Variants in GPC6 observed in about 807,000 individuals in gnomAD.
GPC6 encodes the protein glypican 6.
A neutral mutation model predicts 55.2 loss-of-function variants in GPC6; 14 were observed. The ratio of observed to expected loss-of-function variants is 0.25; its 90% CI spans 0.17 to 0.40. GPC6 has a LOEUF of 0.40. GPC6 is among the 10% of genes least tolerant of loss of function. GPC6 has a pLI of 1.00. For synonymous variants in GPC6, 278 were observed against 259.6 expected, an observed-to-expected ratio of 1.07 and a Z score of -0.68; for missense variants, 641 against 708.5, an observed-to-expected ratio of 0.90 and a Z score of 1.08.
chr13:93,615,222 C>G (rs900921272), intron 2 of GPC6, among the ~76,000 whole-genome samples: 7 of 152,174 alleles, frequency 4.6e-5, no homozygotes, highest in African/African-American at 1.7e-4. Context: ...TCTTTCAAAA[C>G]TACTGAGAAT....
At chr13:93,631,612 G>T (rs1264700530) in intron 2 of GPC6, among the ~76,000 whole-genome samples, 1 of 152,176 alleles carries the variant, frequency 6.6e-6, no homozygotes, top group Non-Finnish European at 1.5e-5. Flanking sequence ...TGGTCTGTCA[G>T]GTCCCTACAG....
At chr13:93,771,574 G>C (rs1351773262) in intron 2 of GPC6, among the ~76,000 whole-genome samples, 1 of 152,070 alleles carries the variant, frequency 6.6e-6, no homozygotes, top group Non-Finnish European at 1.5e-5. Flanking sequence ...GTCCCCTTTT[G>C]TTTGTTTCCT....
chr13:93,432,277 A>C (rs1372140801), intron 1 of GPC6, among the ~76,000 whole-genome samples: 3 of 152,160 alleles, frequency 2.0e-5, no homozygotes, highest in African/African-American at 7.2e-5. Context: ...AACAGTGATG[A>C]ACAGATCCAT....
At chr13:94,155,827 A>G (rs1306599484) in intron 4 of GPC6, among the ~76,000 whole-genome samples, 1 of 151,952 alleles carries the variant, frequency 6.6e-6, no homozygotes, top group Admixed American at 6.6e-5. Context: ...CTTCTGCCAC[A>G]CCCCCACCCA....
intron 3 of GPC6, among the ~76,000 whole-genome samples, chr13:93,965,174 G>A (rs7981636): frequency 1.4e-5 from 2 of 146,416 alleles, no homozygotes; most frequent in East Asian, 2.0e-4. Flanking sequence ...ACGATTGGGA[G>A]GCTGATGCGG....
chr13:94,244,366 A>C (rs1891138413), intron 4 of GPC6, among the ~76,000 whole-genome samples: 1 of 152,154 alleles, frequency 6.6e-6, no homozygotes, highest in African/African-American at 2.4e-5. Context: ...TCTGTCAAGG[A>C]TCATACATGT....
intron 2 of GPC6, among the ~76,000 whole-genome samples, chr13:93,579,730 C>G (rs182462566): frequency 6.6e-6 from 1 of 152,116 alleles, no homozygotes; most frequent in East Asian, 1.9e-4. Flanking sequence ...TTTTCAGAAG[C>G]AATTTTAAAT....
chr13:93,425,622 T>C (rs2139266056), intron 1 of GPC6, among the ~76,000 whole-genome samples: 1 of 152,270 alleles, frequency 6.6e-6, no homozygotes, highest in South Asian at 2.1e-4. Flanking sequence ...AGTGTAAGGA[T>C]CACCATGCTC....
intron 1 of GPC6, among the ~76,000 whole-genome samples, chr13:93,454,330 C>T (rs988491460): frequency 1.5e-5 from 2 of 130,396 alleles, no homozygotes; most frequent in African/African-American, 5.4e-5. Flanking sequence ...AAATGTTCTC[C>T]AAGGCCCCAC....
In GPC6 at chr13:93,237,218, C is replaced by T. The variant is rs543218850; in HGVS notation, c.160+9602C>T. 2.8e-3 allele frequency among the ~76,000 whole-genome samples: 425 copies of T among 152,288 alleles called. 2 individuals carry two copies. Among genetic ancestry groups the T allele is most frequent in the African/African-American group, 9.8e-3 (406 of 41,562 alleles). ...TATAAGCATTCCCTCTTCACCACAT[C>T]TACATCAACATCTATTGTTTTTTGA... On this transcript the variant is annotated intron_variant, in intron 1 of 8. Transcript: ENST00000377047.
chr13:93,526,113 G>T (rs1881637094), intron 1 of GPC6, among the ~76,000 whole-genome samples: 1 of 152,010 alleles, frequency 6.6e-6, no homozygotes, highest in Admixed American at 6.6e-5. Context: ...TAAATATTCT[G>T]TCCCATACTC....
intron 1 of GPC6, among the ~76,000 whole-genome samples, chr13:93,541,874 GT>G (rs1389548184): frequency 4.6e-4 from 69 of 151,386 alleles, no homozygotes; most frequent in African/African-American, 1.4e-3. Context: ...TGATGGGGTT[GT>G]TTTTTTCTTG....
intron 4 of GPC6, among the ~76,000 whole-genome samples, chr13:94,223,782 A>C (rs1026768622): frequency 2.6e-5 from 4 of 152,188 alleles, no homozygotes; most frequent in Admixed American, 2.0e-4. Context: ...TCCCCAGTAC[A>C]GCAGATCCTC....
chr13:93,229,129 T>G lies in GPC6; in HGVS notation c.160+1513T>G, dbSNP rs75833316. Among the ~76,000 whole-genome samples, 288 of 152,320 alleles carry G rather than the reference T, an allele frequency of 1.9e-3. 1 individual carries two copies. Among genetic ancestry groups the G allele is most frequent in the African/African-American group, 6.8e-3 (284 of 41,566 alleles). ...TCTTTTCCAGAACTCCTTAATTTGT[T>G]AATCAATGAATAGAGAGCGACTGTC... On this transcript the variant is annotated intron_variant, in intron 1 of 8. Transcript: ENST00000377047.
At chr13:93,290,477 AAACAATTTG>A (rs1201403928) in intron 1 of GPC6, among the ~76,000 whole-genome samples, 1 of 152,138 alleles carries the variant, frequency 6.6e-6, no homozygotes. Flanking sequence ...TATTGTAATC[AAACAATTTG>A]GTTGAAGTCT....
intron 1 of GPC6, among the ~76,000 whole-genome samples, chr13:93,419,295 C>A (rs184188555): frequency 5.3e-5 from 8 of 151,774 alleles, no homozygotes; most frequent in African/African-American, 1.9e-4. Flanking sequence ...AGGATGGATT[C>A]ACTTGTAAAT....
At chr13:93,545,191 A>C in intron 1 of GPC6, 72 bp from the exon 2 acceptor site, 1 of 1,298,794 alleles carries the variant, frequency 7.7e-7, no homozygotes, top group Non-Finnish European at 1.1e-6. Context: ...GCAAAGTGTT[A>C]GAGAAGTGAA....
At chr13:93,586,101 C>G (rs2139498188) in intron 2 of GPC6, among the ~76,000 whole-genome samples, 1 of 152,154 alleles carries the variant, frequency 6.6e-6, no homozygotes, top group East Asian at 1.9e-4. Flanking sequence ...TTTTCCTGAT[C>G]CTCTCCTTCC....
At chr13:93,572,064 A>C (rs573656521) in intron 2 of GPC6, among the ~76,000 whole-genome samples, 196 of 152,326 alleles carry the variant, frequency 1.3e-3, no homozygotes, top group African/African-American at 4.6e-3. Context: ...ATCTGAGCTT[A>C]CATCTAAGCC....
Sources: allele counts gnomAD v4.1 joint callset (sites outside exome capture counted in the v4.1 genomes callset), GRCh38; gene constraint gnomAD v4.1.1; transcripts MANE v1.5; gene names NCBI Gene and HGNC (gene_info 2026-07-23, HGNC 2026-07-21).